The following RIT1 variants were observed in gnomAD, a reference collection of about 807,000 sequenced individuals.
RIT1 encodes Ras like without CAAX 1, also known as GTP-binding protein Rit1.
In RIT1, 6 loss-of-function variants were observed where a neutral mutation model predicts 25.6. The observed-to-expected ratio is 0.23, with a 90% CI of 0.13 to 0.46. The LOEUF (loss-of-function observed/expected upper bound fraction) is 0.46, where lower values mean the gene tolerates loss of function less well. Ranked by LOEUF, RIT1 falls within the 20% of genes least tolerant of loss-of-function variation. The probability of loss-of-function intolerance (pLI) is 0.99; values close to 1 mark genes in which losing one functional copy is unlikely to be tolerated. For synonymous variants in RIT1, 81 were observed against 94.1 expected, an observed-to-expected ratio of 0.86 and a Z score of 0.80; for missense variants, 219 against 284.4, an observed-to-expected ratio of 0.77 and a Z score of 1.65.
At chr1:155,902,766 A>C (rs1353934640) in intron 5 of RIT1, among the ~76,000 whole-genome samples, 1 of 151,570 alleles carries the variant, frequency 6.6e-6, no homozygotes, top group East Asian at 1.9e-4. Flanking sequence ...GCTTGAACTC[A>C]GGAGTCAGAG....
rs182777908 is a variant in RIT1 at position 155,908,008 on chromosome 1, T to A, written c.163+2442A>T. On this transcript the variant is annotated intron_variant, in intron 3 of 5. Coordinates refer to ENST00000368323, the MANE Select transcript of RIT1 (RefSeq NM_006912.6). The stretch of plus-strand genomic sequence containing the variant: ...TGGAGCCTGAGGCAGGAGAATGGCA[T>A]GAACCCCGGGGGGGCGGAGCCTGCA... Among the ~76,000 whole-genome samples the A allele has an allele frequency of 2.3e-4, 34 of 150,694 alleles. 1 individual carries two copies. The East Asian group carries it at 6.7e-3, about 30-fold the overall frequency.
At chr1:155,907,865 C>T (rs1489071751) in intron 3 of RIT1, among the ~76,000 whole-genome samples, 2 of 151,812 alleles carry the variant, frequency 1.3e-5, no homozygotes, top group East Asian at 1.9e-4. Flanking sequence ...CCGAGGCGGA[C>T]GGATCACAAG....
Position 155,899,347 on chromosome 1 carries a change from C to T in RIT1, c.*1041G>A. 1 of 222,896 alleles carries T rather than the reference C, an allele frequency of 4.5e-6. No individual in the cohort carries two copies. Among genetic ancestry groups the T allele is most frequent in the Non-Finnish European group, 9.0e-6 (1 of 111,140 alleles). 13.8% of individuals were successfully genotyped at this position (222,896 alleles called of 1,614,324 possible). A position where few individuals can be genotyped will look rare whatever the true frequency, so the allele number is the denominator to read the frequency against. Reference sequence around the variant, plus strand: ...ACAGAAATAGCAGATTTTCTCAGAGCACTGAGTCTAGTGATTGTCCACGTC... The same window carrying T: ...ACAGAAATAGCAGATTTTCTCAGAGTACTGAGTCTAGTGATTGTCCACGTC... On this transcript the variant is annotated 3_prime_UTR_variant, in exon 6 of 6. Coordinates refer to ENST00000368323, the MANE Select transcript of RIT1 (RefSeq NM_006912.6).
chr1:155,900,307 G>T lies in RIT1; in HGVS notation c.*81C>A. On this transcript the variant is annotated 3_prime_UTR_variant, in exon 6 of 6. Transcript: ENST00000368323. ...TCTTATCAGTTAAGTGAAAGAGCAA[G>T]CACCATACTCAGTACTGCAGGTTAC... The T allele has an allele frequency of 1.1e-6, 1 of 950,914 alleles. No homozygotes were observed. Among genetic ancestry groups the T allele is most frequent in the Non-Finnish European group, 1.7e-6 (1 of 605,484 alleles). 58.9% of individuals were successfully genotyped at this position (950,914 alleles called of 1,614,324 possible).
At chr1:155,902,075 A>G (rs992005011) in intron 5 of RIT1, among the ~76,000 whole-genome samples, 18 of 152,208 alleles carry the variant, frequency 1.2e-4, no homozygotes, top group African/African-American at 4.3e-4. Context: ...TTACTTTTTA[A>G]TATGTATTTA....
chr1:155,906,762 CAAAAAAAAAAAAA>C (rs59899087), intron 3 of RIT1, among the ~76,000 whole-genome samples: 2 of 24,918 alleles, frequency 8.0e-5, no homozygotes, highest in East Asian at 1.3e-3. Context: ...TTCTCCGTCT[CAAAAAAAAAAAAA>C]AAAAAAAAAG....
intron 2 of RIT1, 62 bp from the exon 3 acceptor site, chr1:155,910,568 TA>T (rs1673573095): frequency 6.2e-7 from 1 of 1,605,950 alleles, no homozygotes; most frequent in East Asian, 2.2e-5. Context: ...GAATTTTAAG[TA>T]TTAACATTGC....
chr1:155,901,117 T>G (rs1391391942), intron 5 of RIT1, among the ~76,000 whole-genome samples: 1 of 152,226 alleles, frequency 6.6e-6, no homozygotes, highest in Non-Finnish European at 1.5e-5. Context: ...GCCCGGTCTC[T>G]AGTCTATTTT....
chr1:155,906,240 A>G (rs1673436752), intron 3 of RIT1, among the ~76,000 whole-genome samples: 1 of 151,704 alleles, frequency 6.6e-6, no homozygotes. Flanking sequence ...AACTAAAAAG[A>G]AAAAAAAAGC....
chr1:155,910,847 C>A (rs1324281842), intron 1 of RIT1, 43 bp from the exon 2 acceptor site: 1 of 1,605,618 alleles, frequency 6.2e-7, no homozygotes, highest in African/African-American at 1.3e-5. Flanking sequence ...ATGGAGACAC[C>A]ACGGCGACAG....
Position 155,899,811 on chromosome 1 carries a change from C to T in RIT1, c.*577G>A, listed in dbSNP as rs1201529282. 15 of 218,122 alleles carry T rather than the reference C, an allele frequency of 6.9e-5. No homozygotes were observed. Among genetic ancestry groups the T allele is most frequent in the Middle Eastern group, 1.4e-3 (1 of 698 alleles). 13.5% of individuals were successfully genotyped at this position (218,122 alleles called of 1,614,324 possible). The stretch of plus-strand genomic sequence containing the variant: ...TACTGAGAATACTGTTCTGAACCTA[C>T]CTTTTTAAGTCCCTGCAAACATATA... On this transcript the variant is annotated 3_prime_UTR_variant, in exon 6 of 6. Transcript: ENST00000368323.
chr1:155,911,108 G>A (rs1031484567), intron 1 of RIT1, 135 bp downstream of exon 1: 5 of 613,668 alleles, frequency 8.1e-6, no homozygotes, highest in Admixed American at 3.1e-5. Flanking sequence ...TGGGAAGAAA[G>A]GGATGCGGCC....
At chr1:155,908,516 T>C (rs1465608850) in intron 3 of RIT1, among the ~76,000 whole-genome samples, 1 of 151,874 alleles carries the variant, frequency 6.6e-6, no homozygotes, top group Non-Finnish European at 1.5e-5. Flanking sequence ...AAGCCCTAAA[T>C]TCATTTTATT....
At position 155,898,223 on chromosome 1, in the gene RIT1, T is replaced by C. The variant is rs1248679166; in HGVS notation, c.*2165A>G. 6.6e-6 allele frequency: 1 copy of C among 152,242 alleles called. No individual in the cohort carries two copies. The highest frequency in any genetic ancestry group is 1.5e-5 in the Non-Finnish European group (1 of 68,024). 9.4% of individuals were successfully genotyped at this position (152,242 alleles called of 1,614,324 possible). A position where few individuals can be genotyped will look rare whatever the true frequency, so the allele number is the denominator to read the frequency against. On this transcript the variant is annotated 3_prime_UTR_variant, in exon 6 of 6. Coordinates refer to ENST00000368323, the MANE Select transcript of RIT1 (RefSeq NM_006912.6). ...CTAGCACCACGAATAGAACTAATAT[T>C]AATGGATGGACTAATACAAGGATCT... is the stretch of plus-strand genomic sequence containing the variant.
At chr1:155,909,251 G>C (rs940516375) in intron 3 of RIT1, among the ~76,000 whole-genome samples, 1 of 151,742 alleles carries the variant, frequency 6.6e-6, no homozygotes, top group Non-Finnish European at 1.5e-5. Flanking sequence ...GGTGGCGGGC[G>C]CCTGTAGTCC....
intron 5 of RIT1, among the ~76,000 whole-genome samples, chr1:155,903,808 A>C (rs1489781306): frequency 6.6e-6 from 1 of 152,224 alleles, no homozygotes; most frequent in Non-Finnish European, 1.5e-5. Flanking sequence ...CAGGTGTTCA[A>C]GATCAGCCTG....
Position 155,904,481 on chromosome 1 carries a change from C to T in RIT1, c.259G>A (p.Asp87Asn). Reference sequence around the variant, plus strand: ...CCTTCTCCTGCCCTCATATACTGGTCCCGCATGGCTGTAAACTCTGCCTAG... The same window carrying T: ...CCTTCTCCTGCCCTCATATACTGGTTCCGCATGGCTGTAAACTCTGCCTAG... ...AGQAEFTAMR[D>N]QYMRAGEGFI... The change falls in exon 5 of 6, where the codon GAC becomes AAC. Residue 87 changes from aspartate (D) to asparagine (N), a missense_variant. By Grantham distance (23) the Asp-to-Asn change is conservative. This residue lies in a region of RIT1 where 131 missense variants were observed against 173.6 expected (regional missense o/e 0.75). Transcript: ENST00000368323. 6.2e-7 allele frequency: 1 copy of T among 1,613,742 alleles called. No individual in the cohort carries two copies. Among genetic ancestry groups the T allele is most frequent in the Non-Finnish European group, 8.5e-7 (1 of 1,179,710 alleles).
intron 3 of RIT1, chr1:155,910,237 A>G: frequency 1.8e-6 from 1 of 561,032 alleles, no homozygotes; most frequent in South Asian, 2.2e-5. Flanking sequence ...ATTAATGTTC[A>G]GTAAGAGACA....
At chr1:155,909,365 G>A (rs1389009290) in intron 3 of RIT1, among the ~76,000 whole-genome samples, 1 of 150,964 alleles carries the variant, frequency 6.6e-6, no homozygotes, top group African/African-American at 2.4e-5. Context: ...GCAACAGGGT[G>A]AGACACCGTC....
Sources: gnomAD v4.1 joint callset for allele counts (sites outside exome capture counted in the v4.1 genomes callset) on GRCh38, gnomAD v4.1.1 for gene constraint, gnomAD v4.1.1 regional missense constraint, MANE v1.5 for transcripts, NCBI Gene and HGNC (gene_info 2026-07-23, HGNC 2026-07-21) for gene names.